The following GLI2 variants were observed in gnomAD, a reference collection of about 807,000 sequenced individuals.
GLI2 encodes transcription activator GLI2.
In GLI2, 22 loss-of-function variants were observed where a neutral mutation model predicts 78.9. That is an observed-to-expected ratio of 0.28 (90% CI 0.20 to 0.40). The LOEUF (loss-of-function observed/expected upper bound fraction) is 0.40, where lower values mean the gene tolerates loss of function less well. GLI2 is among the 10% of genes least tolerant of loss of function. GLI2 has a pLI of 1.00. For synonymous variants in GLI2, 974 were observed against 963.7 expected, an observed-to-expected ratio of 1.01 and a Z score of -0.20; for missense variants, 2,097 against 2,213.2, an observed-to-expected ratio of 0.95 and a Z score of 1.05.
intron 1 of GLI2, among the ~76,000 whole-genome samples, chr2:120,743,858 C>T (rs1413025345): frequency 6.6e-6 from 1 of 152,184 alleles, no homozygotes; most frequent in Non-Finnish European, 1.5e-5. Flanking sequence ...GTCAAGACAG[C>T]GGGTAGGGTG....
At chr2:120,811,473 G>A (rs539655105) in intron 2 of GLI2, among the ~76,000 whole-genome samples, 13 of 152,322 alleles carry the variant, frequency 8.5e-5, no homozygotes, top group African/African-American at 2.6e-4. Context: ...GGGTGGCATC[G>A]CTAAGGAGGG....
chr2:120,754,710 G>A (rs1054462481), intron 1 of GLI2, among the ~76,000 whole-genome samples: 1 of 152,172 alleles, frequency 6.6e-6, no homozygotes, highest in Non-Finnish European at 1.5e-5. Context: ...GCTATTACAA[G>A]TGAGGTTGCT....
At chr2:120,776,713 G>C (rs1251251429) in intron 1 of GLI2, among the ~76,000 whole-genome samples, 1 of 152,224 alleles carries the variant, frequency 6.6e-6, no homozygotes, top group Non-Finnish European at 1.5e-5. Context: ...GAGGTTAGAG[G>C]AAGCAGCTGG....
Position 120,843,645 on chromosome 2 carries a change from AT to A in GLI2, c.148+46178del, listed in dbSNP as rs554983347. On this transcript the variant is annotated intron_variant, in intron 2 of 13. Transcript: ENST00000361492. ...TCCACGGGCGTCAGAGGGGCTCTGG[AT>A]CAGGGAGGAGTGTGGTTTATTTTTG... Among the ~76,000 whole-genome samples the A allele has an allele frequency of 1.8e-3, 267 of 152,200 alleles. 1 individual carries two copies. Among genetic ancestry groups the A allele is most frequent in the African/African-American group, 6.1e-3 (254 of 41,538 alleles).
rs371157486 is a variant in GLI2 at position 120,926,709 on chromosome 2, T to A, written c.149-652T>A. ...AGTTCAGACAGGAGGCTGACTCAGC[T>A]CTGGAAACTGACACGCACGTGCTGG... is the stretch of plus-strand genomic sequence containing the variant. On this transcript the variant is annotated intron_variant, in intron 2 of 13. Transcript: ENST00000361492. 1.2e-4 allele frequency among the ~76,000 whole-genome samples: 18 copies of A among 152,330 alleles called. No homozygotes were observed. In the South Asian group the frequency reaches 3.7e-3, roughly 32 times the overall value.
At chr2:120,928,940 C>T (rs1049627941) in intron 3 of GLI2, among the ~76,000 whole-genome samples, 7 of 152,208 alleles carry the variant, frequency 4.6e-5, no homozygotes, top group South Asian at 2.1e-4. Flanking sequence ...CAGTTGCCCA[C>T]TAGTGTCTTT....
rs904460462 is a variant in GLI2, at chr2:120,800,393, G to T, written c.148+2925G>T. 6.6e-5 allele frequency among the ~76,000 whole-genome samples: 10 copies of T among 152,138 alleles called. No individual in the cohort carries two copies. Among genetic ancestry groups the T allele is most frequent in the Non-Finnish European group, 1.0e-4 (7 of 68,022 alleles). ...CACTTAGAAGCCTGGCTCCTCTGAG[G>T]CCTGGCTTGTTCCTCCAAATCCCGT... On this transcript the variant is annotated intron_variant, in intron 2 of 13. Coordinates refer to ENST00000361492, the MANE Select transcript of GLI2 (RefSeq NM_001374353.1). The surrounding 1 kb of genome is among the most constrained non-coding windows in gnomAD (Gnocchi z 4.1).
intron 2 of GLI2, among the ~76,000 whole-genome samples, chr2:120,820,416 T>TG (rs943687435): frequency 3.9e-5 from 6 of 152,184 alleles, no homozygotes; most frequent in African/African-American, 1.4e-4. Flanking sequence ...AGCCAGCTGG[T>TG]GAGCATTAGT....
rs1256266212 is a variant in GLI2, at chr2:120,886,200, GTGTGTGTGTGCGTGTA to G, written c.149-41159_149-41144del. Reference sequence around the variant, plus strand: ...TGTGTGTGTGTGTGTGTGTGTGTGTGTGTGTGTGTGCGTGTATATTTTGGTTTTGGGTTTTTGTTTT... The same window carrying G: ...TGTGTGTGTGTGTGTGTGTGTGTGTGTATTTTGGTTTTGGGTTTTTGTTTT... On this transcript the variant is annotated intron_variant, in intron 2 of 13. Coordinates refer to ENST00000361492, the MANE Select transcript of GLI2 (RefSeq NM_001374353.1). 4.3e-3 allele frequency among the ~76,000 whole-genome samples: 156 copies of G among 36,290 alleles called. 3 individuals carry two copies. The African/African-American group carries it at 0.047, about 11-fold the overall frequency. 23.8% of individuals were successfully genotyped at this position (36,290 alleles called of 152,430 possible). A position where few individuals can be genotyped will look rare whatever the true frequency, so the allele number is the denominator to read the frequency against.
At chr2:120,786,646 A>T (rs552351589) in intron 1 of GLI2, among the ~76,000 whole-genome samples, 1 of 152,302 alleles carries the variant, frequency 6.6e-6, no homozygotes, top group South Asian at 2.1e-4. Flanking sequence ...TGCATGGCAA[A>T]TCTTTTGCTC....
At chr2:120,784,589 G>C (rs1683941879) in intron 1 of GLI2, among the ~76,000 whole-genome samples, 1 of 152,196 alleles carries the variant, frequency 6.6e-6, no homozygotes, top group East Asian at 1.9e-4. Flanking sequence ...GAGTCCCGAG[G>C]GGTAAGCACA....
At chr2:120,945,957 T>TCTCACACACACACA (rs1553470434) in intron 3 of GLI2, among the ~76,000 whole-genome samples, 12 of 134,258 alleles carry the variant, frequency 8.9e-5, no homozygotes, top group East Asian at 2.4e-4. Flanking sequence ...CATAACCTTC[T>TCTCACACACACACA]CACACACACA....
intron 1 of GLI2, among the ~76,000 whole-genome samples, chr2:120,782,849 G>A (rs187509567): frequency 4.6e-4 from 70 of 152,272 alleles, no homozygotes; most frequent in African/African-American, 1.4e-3. Context: ...ATTCACTCCC[G>A]GTTGAGAACT....
At chr2:120,876,560 C>G (rs277549) in intron 2 of GLI2, among the ~76,000 whole-genome samples, 75,607 of 151,646 alleles carry the variant, frequency 0.5, 22,382 homozygotes, top group African/African-American at 0.83. Context: ...GTTTAAAATA[C>G]TCACCGGAGA....
chr2:120,990,162 G>A lies in GLI2; in HGVS notation c.4197G>A (p.Val1399=), dbSNP rs756900872. The part of the protein sequence containing the change: ...MPSSQETAEA[V]PKGAMGNMGS... ...CCAGTCAGGAAACAGCAGAGGCTGT[G>A]CCCAAGGGAGCGATGGGCAACATGG... The change falls in exon 14 of 14, where the codon GTG becomes GTA. Residue 1399 remains valine (V), a synonymous_variant. Transcript: ENST00000361492. 1 of 1,612,520 alleles carries A rather than the reference G, an allele frequency of 6.2e-7. No homozygotes were observed. Among genetic ancestry groups the A allele is most frequent in the South Asian group, 1.1e-5 (1 of 91,036 alleles).
At chr2:120,764,730 G>A (rs1322472180) in intron 1 of GLI2, among the ~76,000 whole-genome samples, 3 of 152,190 alleles carry the variant, frequency 2.0e-5, no homozygotes, top group Admixed American at 2.0e-4. Context: ...AAAAGTGCGT[G>A]TTGCTATTTC....
At chr2:120,767,409 C>T (rs1463102318) in intron 1 of GLI2, among the ~76,000 whole-genome samples, 2 of 152,156 alleles carry the variant, frequency 1.3e-5, no homozygotes, top group African/African-American at 2.4e-5. Flanking sequence ...TTTTTATTCA[C>T]GCTCGGCCTC....
rs564674055 is a variant in GLI2, at chr2:120,740,201, C to T, written c.-31+3916C>T. 5.3e-5 allele frequency among the ~76,000 whole-genome samples: 8 copies of T among 152,278 alleles called. No homozygotes were observed. In the East Asian group the frequency reaches 9.6e-4, roughly 18 times the overall value. ...TGTATTTAAAACCTGGGAAAATGCA[C>T]AGATGATAACGGTATACTTTCTGTG... On this transcript the variant is annotated intron_variant, in intron 1 of 13. Coordinates refer to ENST00000361492, the MANE Select transcript of GLI2 (RefSeq NM_001374353.1).
At chr2:120,834,399 C>T (rs1686509483) in intron 2 of GLI2, among the ~76,000 whole-genome samples, 1 of 152,168 alleles carries the variant, frequency 6.6e-6, no homozygotes, top group African/African-American at 2.4e-5. Flanking sequence ...GGCCATCGCT[C>T]TTTGTCTGAG....
Sources: allele counts gnomAD v4.1 joint callset (sites outside exome capture counted in the v4.1 genomes callset), GRCh38; gene constraint gnomAD v4.1.1; non-coding constraint Gnocchi (gnomAD v3.1); transcripts MANE v1.5; gene names NCBI Gene and HGNC (gene_info 2026-07-23, HGNC 2026-07-21).